The following CD109 variants were observed in gnomAD, a reference collection of about 807,000 sequenced individuals.
The protein encoded by CD109 is CD109 antigen.
A neutral mutation model predicts 165.8 loss-of-function variants in CD109; 149 were observed. The observed-to-expected ratio is 0.90, with a 90% CI of 0.79 to 1.03. The LOEUF is 1.03. Ranked by LOEUF, CD109 falls within the 50% of genes least tolerant of loss-of-function variation. The pLI is 0.00. For missense variants in CD109, 1,712 were observed against 1,677.8 expected (o/e 1.02, Z -0.36); for synonymous variants, 585 against 592.1 (o/e 0.99, Z 0.18).
chr6:73,764,250 G>T (rs999713635), intron 10 of CD109, among the ~76,000 whole-genome samples: 8 of 152,240 alleles, frequency 5.3e-5, no homozygotes, highest in African/African-American at 1.4e-4. Flanking sequence ...ACTCATGGCA[G>T]ATTAAGATTA....
chr6:73,723,789 G>C (rs1427437473), intron 3 of CD109, among the ~76,000 whole-genome samples: 1 of 152,034 alleles, frequency 6.6e-6, no homozygotes, highest in Non-Finnish European at 1.5e-5. Context: ...ATAGCTAATG[G>C]GTTCTAGGTT....
intron 3 of CD109, among the ~76,000 whole-genome samples, chr6:73,725,014 G>A (rs577560925): frequency 6.6e-5 from 10 of 152,012 alleles, no homozygotes; most frequent in Non-Finnish European, 1.5e-4. Context: ...AAATTACTTA[G>A]TATGCTATAT....
rs6907213 is a variant in CD109, at chr6:73,732,904, T to C, written c.507+2330T>C. 6.9e-3 allele frequency among the ~76,000 whole-genome samples: 1,055 copies of C among 152,282 alleles called. 16 individuals carry two copies. Among genetic ancestry groups the C allele is most frequent in the African/African-American group, 0.024 (1,005 of 41,544 alleles). ...TTCCTCTTATTAGCTCTGGTACTGA[T>C]ATGACTCTCTTGGCCAGGGGAGGGG... is the stretch of plus-strand genomic sequence containing the variant. On this transcript the variant is annotated intron_variant, in intron 4 of 32. Transcript: ENST00000287097.
intron 5 of CD109, among the ~76,000 whole-genome samples, chr6:73,749,983 T>G (rs1031019069): frequency 6.6e-6 from 1 of 152,340 alleles, no homozygotes; most frequent in Admixed American, 6.5e-5. Context: ...GTTAGTATTA[T>G]TGTTTAACAA....
intron 23 of CD109, among the ~76,000 whole-genome samples, chr6:73,802,755 A>G (rs1016599520): frequency 6.6e-6 from 1 of 150,384 alleles, no homozygotes; most frequent in African/African-American, 2.5e-5. Context: ...CTGGAGTGCA[A>G]TGACGCAAAT....
the CD109 span, among the ~76,000 whole-genome samples, chr6:73,689,883 TG>T: frequency 1.3e-5 from 2 of 152,218 alleles, no homozygotes; most frequent in African/African-American, 4.8e-5. Flanking sequence ...GTTACAAATG[TG>T]AAAAACATAT....
intron 15 of CD109, among the ~76,000 whole-genome samples, chr6:73,774,685 C>G (rs897324527): frequency 3.9e-5 from 6 of 152,124 alleles, no homozygotes; most frequent in East Asian, 1.9e-4. Context: ...GAGGCTACCC[C>G]CTGGAGGGAA....
chr6:73,724,718 A>T (rs548530285), intron 3 of CD109, among the ~76,000 whole-genome samples: 1 of 151,708 alleles, frequency 6.6e-6, no homozygotes, highest in South Asian at 2.1e-4. Context: ...GGTTCAAGCA[A>T]TCTTCTCACC....
chr6:73,768,379 T>A, intron 14 of CD109, 148 bp downstream of exon 14: 1 of 585,564 alleles, frequency 1.7e-6, no homozygotes, highest in East Asian at 3.0e-5. Context: ...AACTTTTCAA[T>A]ATTTAGCATT....
intron 14 of CD109, among the ~76,000 whole-genome samples, chr6:73,770,209 G>A (rs1429116049): frequency 6.6e-6 from 1 of 152,182 alleles, no homozygotes; most frequent in Non-Finnish European, 1.5e-5. Flanking sequence ...GACATGCCTG[G>A]GTTGTAAAAC....
chr6:73,759,957 G>A (rs945319147), intron 7 of CD109, among the ~76,000 whole-genome samples: 1 of 151,786 alleles, frequency 6.6e-6, no homozygotes, highest in Admixed American at 6.6e-5. Context: ...TTTGAGTTGA[G>A]TTGATCCAGA....
chr6:73,805,290 CAT>C (rs1394439773), intron 24 of CD109, among the ~76,000 whole-genome samples: 2 of 152,236 alleles, frequency 1.3e-5, no homozygotes, highest in African/African-American at 4.8e-5. Context: ...CTCTCTGAAA[CAT>C]GTGCTGTGTC....
chr6:73,708,426 C>CTT (rs1372270244), intron 2 of CD109, among the ~76,000 whole-genome samples: 5 of 152,106 alleles, frequency 3.3e-5, no homozygotes, highest in African/African-American at 1.2e-4. Context: ...GGTTCCAAGT[C>CTT]TTTGCTATTG....
In CD109 at chr6:73,696,303, C is replaced by A; in HGVS notation, c.74+14C>A. On this transcript the variant is annotated intron_variant, in intron 1 of 32. Transcript: ENST00000287097. The stretch of plus-strand genomic sequence containing the variant: ...CGTGGCTCCCGGGTAGGAACGTGGG[C>A]GCGCGGGGGGCGCGCGGGCGCGCGG... The A allele has an allele frequency of 7.0e-7, 1 of 1,427,062 alleles. No homozygotes were observed. The highest frequency in any genetic ancestry group is 9.3e-7 in the Non-Finnish European group (1 of 1,077,586). The allele number at this position is 1,427,062 out of a possible 1,614,324, so 88.4% of individuals were successfully genotyped here. A position where few individuals can be genotyped will look rare whatever the true frequency, so the allele number is the denominator to read the frequency against.
At chr6:73,701,109 C>CTT (rs138353822) in intron 2 of CD109, among the ~76,000 whole-genome samples, 5 of 129,238 alleles carry the variant, frequency 3.9e-5, no homozygotes, top group East Asian at 2.2e-4. Context: ...CGATTATGGG[C>CTT]TTTTTTTTTT....
At chr6:73,740,834 A>G (rs1772750116) in intron 5 of CD109, among the ~76,000 whole-genome samples, 1 of 150,910 alleles carries the variant, frequency 6.6e-6, no homozygotes, top group Non-Finnish European at 1.5e-5. Flanking sequence ...CAAGTGATGC[A>G]CCCTACTCGG....
the CD109 span, among the ~76,000 whole-genome samples, chr6:73,679,682 C>G: frequency 1.1e-3 from 167 of 151,530 alleles, no homozygotes; most frequent in Admixed American, 2.1e-3. Context: ...GTTGTCTAGG[C>G]TGGAGTGCAG....
chr6:73,773,257 C>T (rs1774113971), intron 15 of CD109, among the ~76,000 whole-genome samples: 1 of 150,724 alleles, frequency 6.6e-6, no homozygotes, highest in African/African-American at 2.4e-5. Flanking sequence ...TAAATTTTTT[C>T]AGATATTAAG....
At chr6:73,707,306 G>C (rs1316772758) in intron 2 of CD109, among the ~76,000 whole-genome samples, 2 of 152,170 alleles carry the variant, frequency 1.3e-5, no homozygotes, top group Non-Finnish European at 2.9e-5. Flanking sequence ...TAAGAGGAAC[G>C]GTTATCTACG....
Sources: allele counts gnomAD v4.1 joint callset (sites outside exome capture counted in the v4.1 genomes callset), GRCh38; gene constraint gnomAD v4.1.1; transcripts MANE v1.5; gene names NCBI Gene and HGNC (gene_info 2026-07-23, HGNC 2026-07-21).